The following C8orf34 variants were observed in gnomAD, a reference collection of about 807,000 sequenced individuals.
C8orf34 encodes uncharacterized protein C8orf34.
C8orf34 carries 65 observed loss-of-function variants against 68.3 expected under a neutral mutation model. The observed-to-expected ratio is 0.95, with a 90% CI of 0.78 to 1.17. The LOEUF (loss-of-function observed/expected upper bound fraction) is 1.17. Ranked by LOEUF, C8orf34 falls within the 50% of genes most tolerant of loss-of-function variation. The pLI is 0.00. For synonymous variants in C8orf34, 244 were observed against 241.2 expected (o/e 1.01, Z -0.11); for missense variants, 664 against 655.4 (o/e 1.01, Z -0.14).
chr8:68,788,574 T>G (rs1377492727), intron 12 of C8orf34, among the ~76,000 whole-genome samples: 1 of 152,082 alleles, frequency 6.6e-6, no homozygotes, highest in Non-Finnish European at 1.5e-5. Context: ...AGAAAACAAC[T>G]GATAGGCTGG....
chr8:68,392,408 T>C (rs566268238), intron 1 of C8orf34, among the ~76,000 whole-genome samples: 1 of 152,088 alleles, frequency 6.6e-6, no homozygotes, highest in African/African-American at 2.4e-5. Flanking sequence ...ATGTCCTATT[T>C]ATTTTATAAT....
intron 7 of C8orf34, among the ~76,000 whole-genome samples, chr8:68,570,769 A>G (rs2130261864): frequency 6.6e-6 from 1 of 152,338 alleles, no homozygotes; most frequent in South Asian, 2.1e-4. Context: ...GAGCTGCTGA[A>G]TTGTAATCTA....
intron 11 of C8orf34, among the ~76,000 whole-genome samples, chr8:68,778,798 T>C (rs1823591528): frequency 6.6e-6 from 1 of 152,138 alleles, no homozygotes; most frequent in African/African-American, 2.4e-5. Context: ...TTAGAAAGAG[T>C]ATAATTTAAA....
chr8:68,401,807 A>G (rs1306875100), intron 1 of C8orf34, among the ~76,000 whole-genome samples: 2 of 151,686 alleles, frequency 1.3e-5, no homozygotes, highest in Non-Finnish European at 2.9e-5. Context: ...CTAATGTTTT[A>G]TTGAGGACTT....
intron 8 of C8orf34, among the ~76,000 whole-genome samples, chr8:68,659,074 C>T (rs1819594385): frequency 1.3e-5 from 2 of 152,052 alleles, no homozygotes; most frequent in African/African-American, 4.8e-5. Context: ...TTCCTCAACC[C>T]CTTCTGTCTC....
intron 10 of C8orf34, among the ~76,000 whole-genome samples, chr8:68,759,635 T>A (rs994383233): frequency 6.6e-6 from 1 of 152,234 alleles, no homozygotes; most frequent in African/African-American, 2.4e-5. Context: ...GTGGTGTGTT[T>A]GTTTGAATAT....
chr8:68,565,941 C>G (rs577366945), intron 7 of C8orf34, among the ~76,000 whole-genome samples: 2 of 152,174 alleles, frequency 1.3e-5, no homozygotes, highest in South Asian at 4.1e-4. Context: ...AAGGAAGATA[C>G]AAATTATACA....
intron 3 of C8orf34, among the ~76,000 whole-genome samples, chr8:68,459,612 A>G (rs1811702906): frequency 6.6e-6 from 1 of 152,200 alleles, no homozygotes; most frequent in African/African-American, 2.4e-5. Flanking sequence ...ATTTCTCAAA[A>G]AACTTAAAAT....
At chr8:68,762,560 C>T (rs1488913804) in intron 10 of C8orf34, among the ~76,000 whole-genome samples, 1 of 152,112 alleles carries the variant, frequency 6.6e-6, no homozygotes, top group East Asian at 1.9e-4. Context: ...CTTTTTGGCT[C>T]CTCTGTTTCT....
At chr8:68,764,905 A>G (rs1823127423) in intron 10 of C8orf34, among the ~76,000 whole-genome samples, 2 of 152,230 alleles carry the variant, frequency 1.3e-5, no homozygotes, top group African/African-American at 4.8e-5. Context: ...GCCATTTGAT[A>G]ATTTCCTATC....
chr8:68,333,013 T>C (rs1387310401), intron 1 of C8orf34, among the ~76,000 whole-genome samples: 2 of 152,198 alleles, frequency 1.3e-5, no homozygotes, highest in African/African-American at 4.8e-5. Flanking sequence ...ATTTAGAGTG[T>C]GTGTTTTCTC....
At chr8:68,494,942 G>T (rs1002911140) in intron 5 of C8orf34, among the ~76,000 whole-genome samples, 3 of 150,730 alleles carry the variant, frequency 2.0e-5, no homozygotes, top group Non-Finnish European at 4.4e-5. Flanking sequence ...ATATATATTT[G>T]TGTGCGTGTA....
rs541807552 is a variant in C8orf34, at chr8:68,446,855, T to C, written c.607+395T>C. The C allele has an allele frequency of 1.0e-3, 195 of 191,760 alleles. 2 individuals carry two copies. Among genetic ancestry groups the C allele is most frequent in the Non-Finnish European group, 1.5e-3 (146 of 95,094 alleles). 11.9% of individuals were successfully genotyped at this position (191,760 alleles called of 1,614,324 possible). A position where few individuals can be genotyped will look rare whatever the true frequency, so the allele number is the denominator to read the frequency against. ...GCAAAGAAGATTTCTATTCAAAACATTTCATAAAATTTCTTAAAAAATATT... is the reference window on the plus strand; with the variant it reads ...GCAAAGAAGATTTCTATTCAAAACACTTCATAAAATTTCTTAAAAAATATT... On this transcript the variant is annotated intron_variant, in intron 3 of 13. Transcript: ENST00000518698.
At chr8:68,533,799 G>A (rs1413027028) in intron 7 of C8orf34, 1 of 979,070 alleles carries the variant, frequency 1.0e-6, no homozygotes, top group African/African-American at 1.8e-5. Context: ...ACTTCTCTTT[G>A]GAACATCATT....
chr8:68,578,366 A>C (rs1477222482), intron 7 of C8orf34, among the ~76,000 whole-genome samples: 1 of 152,000 alleles, frequency 6.6e-6, no homozygotes, highest in African/African-American at 2.4e-5. Flanking sequence ...GTCTAACATC[A>C]GACATTATTT....
rs1338732390 is a variant in C8orf34 at position 68,473,635 on chromosome 8, A to C, written c.736+4815A>C. Among the ~76,000 whole-genome samples, 3 of 152,164 alleles carry C rather than the reference A, an allele frequency of 2.0e-5. No homozygotes were observed. In the East Asian group the frequency reaches 5.8e-4, roughly 29 times the overall value. On this transcript the variant is annotated intron_variant, in intron 4 of 13. Coordinates refer to ENST00000518698, the MANE Select transcript of C8orf34 (RefSeq NM_052958.4). ...TGATTTGGGGGCTGCTTTTCATTAA[A>C]AGGAAAACCTTACTGAGGGCTTCCT...
chr8:68,780,271 A>G (rs943126641), intron 11 of C8orf34, among the ~76,000 whole-genome samples: 9 of 152,190 alleles, frequency 5.9e-5, no homozygotes, highest in African/African-American at 1.4e-4. Flanking sequence ...GGCATGCTCG[A>G]AAAATGACTT....
chr8:68,344,455 G>T (rs1186888033), intron 1 of C8orf34, among the ~76,000 whole-genome samples: 1 of 152,082 alleles, frequency 6.6e-6, no homozygotes, highest in Non-Finnish European at 1.5e-5. Flanking sequence ...TTCTTATTGT[G>T]ATCAAAATGT....
intron 8 of C8orf34, among the ~76,000 whole-genome samples, chr8:68,699,486 G>C (rs1820927359): frequency 6.6e-6 from 1 of 151,964 alleles, no homozygotes; most frequent in Non-Finnish European, 1.5e-5. Flanking sequence ...AGGTTTCAGG[G>C]AGATTGGAAT....
Sources: gnomAD v4.1 joint callset for allele counts (sites outside exome capture counted in the v4.1 genomes callset) on GRCh38, gnomAD v4.1.1 for gene constraint, MANE v1.5 for transcripts, NCBI Gene and HGNC (gene_info 2026-07-23, HGNC 2026-07-21) for gene names.